Variants in DCC observed in about 807,000 individuals in gnomAD.
DCC encodes the protein DCC netrin 1 receptor, also known as netrin receptor DCC.
A neutral mutation model predicts 172.5 loss-of-function variants in DCC; 58 were observed. The ratio of observed to expected loss-of-function variants is 0.34; its 90% CI spans 0.27 to 0.42. The LOEUF (loss-of-function observed/expected upper bound fraction) is 0.42. Ranked by LOEUF, DCC falls within the 10% of genes least tolerant of loss-of-function variation. DCC has a pLI of 1.00. For missense variants in DCC, 1,740 were observed against 1,791.0 expected (o/e 0.97, Z 0.51); for synonymous variants, 709 against 644.5 (o/e 1.10, Z -1.52).
At chr18:52,793,775 A>G (rs1598808715) in intron 2 of DCC, among the ~76,000 whole-genome samples, 1 of 152,116 alleles carries the variant, frequency 6.6e-6, no homozygotes, top group Non-Finnish European at 1.5e-5. Context: ...TTTGAGTCTT[A>G]TGTTTAACTC....
intron 7 of DCC, among the ~76,000 whole-genome samples, chr18:53,103,131 A>G (rs918386373): frequency 1.3e-5 from 2 of 152,094 alleles, no homozygotes; most frequent in African/African-American, 4.8e-5. Flanking sequence ...ACCCTAGGAT[A>G]TATCACCATG....
At chr18:53,337,808 T>A (rs575533117) in intron 14 of DCC, among the ~76,000 whole-genome samples, 1 of 152,328 alleles carries the variant, frequency 6.6e-6, no homozygotes, top group South Asian at 2.1e-4. Context: ...TGCATATGGA[T>A]AAAAGTGGAG....
chr18:53,443,102 C>A (rs1912375779), intron 22 of DCC, among the ~76,000 whole-genome samples: 1 of 152,138 alleles, frequency 6.6e-6, no homozygotes, highest in Admixed American at 6.5e-5. Flanking sequence ...AAGGTGGCTG[C>A]ACTAAACAAG....
intron 7 of DCC, among the ~76,000 whole-genome samples, chr18:53,145,012 G>C (rs551346020): frequency 2.7e-5 from 4 of 150,412 alleles, no homozygotes; most frequent in South Asian, 2.1e-4. Context: ...GAGTGTTTGC[G>C]TCCCTCTAAA....
chr18:53,103,313 G>C (rs878973992), intron 7 of DCC, among the ~76,000 whole-genome samples: 1 of 152,040 alleles, frequency 6.6e-6, no homozygotes, highest in Admixed American at 6.6e-5. Context: ...AAAGAATAGG[G>C]GAACACAAAG....
At chr18:52,899,510 C>A (rs780470317) in intron 2 of DCC, among the ~76,000 whole-genome samples, 1 of 151,884 alleles carries the variant, frequency 6.6e-6, no homozygotes, top group South Asian at 2.1e-4. Flanking sequence ...TGTACCACCA[C>A]GCCCATCTAA....
At chr18:52,387,848 A>G (rs1985874558) in intron 1 of DCC, among the ~76,000 whole-genome samples, 1 of 152,008 alleles carries the variant, frequency 6.6e-6, no homozygotes, top group African/African-American at 2.4e-5. Flanking sequence ...TTTGCTTTGG[A>G]TAGGAAAATA....
intron 26 of DCC, among the ~76,000 whole-genome samples, chr18:53,498,477 T>C (rs762229550): frequency 5.3e-5 from 8 of 150,028 alleles, no homozygotes; most frequent in Non-Finnish European, 8.8e-5. Context: ...TGAATATGAA[T>C]GAATAGTTCA....
chr18:52,345,650 C>G (rs976767953), intron 1 of DCC, among the ~76,000 whole-genome samples: 2 of 152,198 alleles, frequency 1.3e-5, no homozygotes, highest in African/African-American at 4.8e-5. Flanking sequence ...TTGACGCAGC[C>G]CAAGAAAGCC....
intron 1 of DCC, among the ~76,000 whole-genome samples, chr18:52,657,995 T>A (rs1365443678): frequency 2.0e-5 from 3 of 152,116 alleles, no homozygotes; most frequent in Admixed American, 2.0e-4. Context: ...CCTGGAGGAG[T>A]TTCTGGTTTT....
chr18:53,148,865 C>CTTTTTTTTTTTTTTTTTT (rs5824990), intron 7 of DCC, among the ~76,000 whole-genome samples: 11 of 109,816 alleles, frequency 1.0e-4, no homozygotes, highest in African/African-American at 2.2e-4. Context: ...TTCCCAATGC[C>CTTTTTTTTTTTTTTTTTT]TTTTTTTTTT....
intron 1 of DCC, among the ~76,000 whole-genome samples, chr18:52,608,025 G>A (rs1484850373): frequency 6.6e-6 from 1 of 152,006 alleles, no homozygotes; most frequent in Admixed American, 6.6e-5. Flanking sequence ...TATTTTCAAG[G>A]ATTTTTTTTT....
At chr18:53,222,754 A>G (rs563555430) in intron 12 of DCC, among the ~76,000 whole-genome samples, 1 of 152,106 alleles carries the variant, frequency 6.6e-6, no homozygotes, top group Non-Finnish European at 1.5e-5. Flanking sequence ...GAGGTTTCCT[A>G]TTGGAGATAT....
intron 21 of DCC, chr18:53,416,504 C>T: frequency 2.5e-6 from 1 of 399,042 alleles, no homozygotes; most frequent in East Asian, 5.4e-5. Flanking sequence ...GCTCTTGCAC[C>T]CTTTCCTGAG....
intron 2 of DCC, among the ~76,000 whole-genome samples, chr18:52,802,023 T>C (rs1219699879): frequency 6.6e-6 from 1 of 151,240 alleles, no homozygotes; most frequent in African/African-American, 2.4e-5. Flanking sequence ...TTTTTAACCA[T>C]TCCCTTCTTT....
At chr18:53,248,579 C>A (rs1482785075) in intron 12 of DCC, among the ~76,000 whole-genome samples, 1 of 151,960 alleles carries the variant, frequency 6.6e-6, no homozygotes, top group Non-Finnish European at 1.5e-5. Context: ...TGGAAAATAG[C>A]GAAGAACGAA....
In DCC at chr18:53,520,595, T is replaced by C. The variant is rs544115998; in HGVS notation, c.4112-6022T>C. 7.9e-5 allele frequency among the ~76,000 whole-genome samples: 12 copies of C among 152,140 alleles called. No homozygotes were observed. The South Asian group carries it at 2.5e-3, about 31-fold the overall frequency. ...CTACAAGCACTTAAGGAAAAAGCAC[T>C]GCTTGGTGAGCTTGTAGGGACCCAG... On this transcript the variant is annotated intron_variant, in intron 27 of 28. Transcript: ENST00000442544.
intron 20 of DCC, among the ~76,000 whole-genome samples, chr18:53,412,204 A>G (rs544158104): frequency 6.6e-6 from 1 of 152,314 alleles, no homozygotes; most frequent in Admixed American, 6.5e-5. Context: ...ATAATGGTTC[A>G]AAGAGTTATT....
At chr18:52,970,569 T>C (rs1434345441) in intron 5 of DCC, among the ~76,000 whole-genome samples, 1 of 152,186 alleles carries the variant, frequency 6.6e-6, no homozygotes, top group Non-Finnish European at 1.5e-5. Context: ...TATAAATAAA[T>C]GTGTCTTTTA....
Sources: gnomAD v4.1 joint callset for allele counts (sites outside exome capture counted in the v4.1 genomes callset) on GRCh38, gnomAD v4.1.1 for gene constraint, MANE v1.5 for transcripts, NCBI Gene and HGNC (gene_info 2026-07-23, HGNC 2026-07-21) for gene names.